The following ARHGAP31 variants were observed in gnomAD, a reference collection of about 807,000 sequenced individuals.
ARHGAP31 encodes Rho GTPase activating protein 31.
A neutral mutation model predicts 113.9 loss-of-function variants in ARHGAP31; 34 were observed. The ratio of observed to expected loss-of-function variants is 0.30; its 90% CI spans 0.23 to 0.40. The LOEUF is 0.40. ARHGAP31 is among the 10% of genes least tolerant of loss of function. ARHGAP31 has a pLI of 1.00. For synonymous variants in ARHGAP31, 650 were observed against 684.8 expected, an observed-to-expected ratio of 0.95 and a Z score of 0.79; for missense variants, 1,548 against 1,767.1, an observed-to-expected ratio of 0.88 and a Z score of 2.22.
chr3:119,406,040 T>C (rs1312889647), intron 10 of ARHGAP31, among the ~76,000 whole-genome samples: 1 of 152,180 alleles, frequency 6.6e-6, no homozygotes, highest in Non-Finnish European at 1.5e-5. Flanking sequence ...ATGGATTCAA[T>C]TGGAATCACT....
At chr3:119,383,304 G>A in intron 6 of ARHGAP31, 78 bp downstream of exon 6, 1 of 1,577,928 alleles carries the variant, frequency 6.3e-7, no homozygotes, top group Non-Finnish European at 8.7e-7. Context: ...AACAGAAAGT[G>A]AGGGTGGGCT....
chr3:119,386,709 T>G (rs147680282), intron 6 of ARHGAP31, among the ~76,000 whole-genome samples: 6,222 of 152,242 alleles, frequency 0.041, 398 homozygotes, highest in African/African-American at 0.14. Context: ...CGGGCTGCGC[T>G]GTTATTTATT....
intron 1 of ARHGAP31, among the ~76,000 whole-genome samples, chr3:119,329,349 C>T (rs2079871779): frequency 6.6e-6 from 1 of 152,186 alleles, no homozygotes; most frequent in South Asian, 2.1e-4. Flanking sequence ...GAACTACACG[C>T]ACATGCCACA....
rs1211022105 is a variant in ARHGAP31 at position 119,336,291 on chromosome 3, CTTTA to C, written c.101-29021_101-29018del. ...TCTTGACTTCCTAAAATGGGTATCA[CTTTA>C]TTTTTTAAATTCTTAAAATTTCTTG... On this transcript the variant is annotated intron_variant, in intron 1 of 11. Transcript: ENST00000264245. 9.9e-5 allele frequency among the ~76,000 whole-genome samples: 15 copies of C among 152,260 alleles called. No individual in the cohort carries two copies. The South Asian group carries it at 1.0e-3, about 11-fold the overall frequency.
At chr3:119,296,701 T>C (rs2107590094) in intron 1 of ARHGAP31, among the ~76,000 whole-genome samples, 1 of 152,312 alleles carries the variant, frequency 6.6e-6, no homozygotes, top group Non-Finnish European at 1.5e-5. Context: ...TTTAGGCAGC[T>C]GTTCTTTCAC....
At chr3:119,330,068 C>A (rs1187905244) in intron 1 of ARHGAP31, 2 of 937,286 alleles carry the variant, frequency 2.1e-6, no homozygotes, top group South Asian at 9.9e-5. Context: ...TCCATTCAAT[C>A]GTCTGATTGT....
chr3:119,335,991 G>A (rs2079942981), intron 1 of ARHGAP31, among the ~76,000 whole-genome samples: 2 of 152,166 alleles, frequency 1.3e-5, no homozygotes. Flanking sequence ...TAGACATCAT[G>A]GTGAAATCCC....
chr3:119,311,697 G>A (rs2079684697), intron 1 of ARHGAP31, among the ~76,000 whole-genome samples: 1 of 152,208 alleles, frequency 6.6e-6, no homozygotes, highest in Admixed American at 6.5e-5. Context: ...CATCTGCTAA[G>A]CACTTATCAG....
chr3:119,336,243 G>T (rs1216303768), intron 1 of ARHGAP31, among the ~76,000 whole-genome samples: 1 of 152,126 alleles, frequency 6.6e-6, no homozygotes, highest in Non-Finnish European at 1.5e-5. Flanking sequence ...AACTATAAAA[G>T]GTTTTATTTC....
At position 119,380,994 on chromosome 3, in the gene ARHGAP31, T is replaced by C; in HGVS notation, c.431+8T>C. On this transcript the variant is annotated splice_region_variant and intron_variant, in intron 4 of 11. Coordinates refer to ENST00000264245, the MANE Select transcript of ARHGAP31 (RefSeq NM_020754.4). ...TCCTCCATCCCACTATAGGTAAGAA[T>C]GGTTGGGAAAAGAAACGTGTGGCCT... 2 of 1,613,438 alleles carry C rather than the reference T, an allele frequency of 1.2e-6. No homozygotes were observed. Among genetic ancestry groups the C allele is most frequent in the Non-Finnish European group, 1.7e-6 (2 of 1,179,414 alleles).
chr3:119,342,724 C>T (rs1327375369), intron 1 of ARHGAP31, among the ~76,000 whole-genome samples: 1 of 152,224 alleles, frequency 6.6e-6, no homozygotes, highest in Non-Finnish European at 1.5e-5. Flanking sequence ...CCAAGGTGGG[C>T]GGATCACCTG....
At chr3:119,395,957 C>T (rs1180091019) in intron 8 of ARHGAP31, among the ~76,000 whole-genome samples, 1 of 152,088 alleles carries the variant, frequency 6.6e-6, no homozygotes, top group Non-Finnish European at 1.5e-5. Context: ...GAGAAGAGTA[C>T]CTGACCAGAA....
In ARHGAP31 at chr3:119,389,278, A is replaced by G. The variant is rs138927943; in HGVS notation, c.683-1507A>G. On this transcript the variant is annotated intron_variant, in intron 6 of 11. Transcript: ENST00000264245. Reference sequence around the variant, plus strand: ...CCTGGAGCTGACAGGAGAGGTGGGCACTAAACTTGGTCTTCTGACCCTGCA... The same window carrying G: ...CCTGGAGCTGACAGGAGAGGTGGGCGCTAAACTTGGTCTTCTGACCCTGCA... 1.2e-4 allele frequency among the ~76,000 whole-genome samples: 18 copies of G among 152,338 alleles called. No homozygotes were observed. The East Asian group carries it at 3.5e-3, about 29-fold the overall frequency.
intron 5 of ARHGAP31, among the ~76,000 whole-genome samples, chr3:119,382,778 A>G (rs774901660): frequency 2.0e-5 from 3 of 152,228 alleles, no homozygotes; most frequent in Admixed American, 6.5e-5. Context: ...GACCTGCTCC[A>G]TAGAACAGTT....
At position 119,419,875 on chromosome 3, in the gene ARHGAP31, G is replaced by A. The variant is rs1234423527; in HGVS notation, c.*3611G>A. 6.6e-6 allele frequency: 1 copy of A among 152,190 alleles called. No homozygotes were observed. Among genetic ancestry groups the A allele is most frequent in the Non-Finnish European group, 1.5e-5 (1 of 68,034 alleles). 9.4% of individuals were successfully genotyped at this position (152,190 alleles called of 1,614,324 possible). A position where few individuals can be genotyped will look rare whatever the true frequency, so the allele number is the denominator to read the frequency against. ...CGGAGGTTTCGTGTGGTCATAATTGGTTTGGTGAAGTGTGAGATCTCTGCA... is the reference window on the plus strand; with the variant it reads ...CGGAGGTTTCGTGTGGTCATAATTGATTTGGTGAAGTGTGAGATCTCTGCA... On this transcript the variant is annotated 3_prime_UTR_variant, in exon 12 of 12. Transcript: ENST00000264245.
intron 1 of ARHGAP31, among the ~76,000 whole-genome samples, chr3:119,316,556 CCT>C (rs2079733139): frequency 6.6e-6 from 1 of 152,150 alleles, no homozygotes; most frequent in East Asian, 1.9e-4. Flanking sequence ...TCTCTGAAAC[CCT>C]GAGCTGGAGT....
Position 119,294,958 on chromosome 3 carries a change from G to A in ARHGAP31, c.54G>A (p.Ala18=). Residue 18 remains alanine (A), a synonymous_variant, in exon 1 of 12, where the codon GCG becomes GCA. Transcript: ENST00000264245. ...TGAAACGAAAGGGAGCCGCCAGCGC[G>A]TTTGGCTGTGACCTGACGGAGTATC... The part of the protein sequence containing the change: ...QKLKRKGAAS[A]FGCDLTEYLE... 3 of 1,614,126 alleles carry A rather than the reference G, an allele frequency of 1.9e-6. No homozygotes were observed. Among genetic ancestry groups the A allele is most frequent in the Non-Finnish European group, 2.5e-6 (3 of 1,180,020 alleles).
chr3:119,346,998 A>C (rs1004019581), intron 1 of ARHGAP31, among the ~76,000 whole-genome samples: 3 of 152,214 alleles, frequency 2.0e-5, no homozygotes, highest in African/African-American at 7.2e-5. Flanking sequence ...TAGAGTATGG[A>C]GTGAATACTT....
At chr3:119,372,339 A>G (rs1248435223) in intron 3 of ARHGAP31, among the ~76,000 whole-genome samples, 2 of 143,384 alleles carry the variant, frequency 1.4e-5, no homozygotes, top group Non-Finnish European at 3.0e-5. Flanking sequence ...GCTGGAGTGC[A>G]GTGGTGTGAT....
Sources: allele counts gnomAD v4.1 joint callset (sites outside exome capture counted in the v4.1 genomes callset), GRCh38; gene constraint gnomAD v4.1.1; transcripts MANE v1.5; gene names NCBI Gene and HGNC (gene_info 2026-07-23, HGNC 2026-07-21).